The following CCSER1 variants were observed in gnomAD, a reference collection of about 807,000 sequenced individuals.
CCSER1 encodes serine-rich coiled-coil domain-containing protein 1.
A neutral mutation model predicts 82.0 loss-of-function variants in CCSER1; 41 were observed. The ratio of observed to expected loss-of-function variants is 0.50; its 90% CI spans 0.39 to 0.65. The LOEUF (loss-of-function observed/expected upper bound fraction) is 0.65. Among genes scored for constraint, CCSER1 ranks in the 30% least tolerant of loss-of-function variants. The probability of loss-of-function intolerance (pLI) is 0.00; values close to 1 mark genes in which losing one functional copy is unlikely to be tolerated. For synonymous variants in CCSER1, 414 were observed against 383.9 expected (o/e 1.08, Z -0.92); for missense variants, 1,119 against 1,064.2 (o/e 1.05, Z -0.72).
intron 3 of CCSER1, among the ~76,000 whole-genome samples, chr4:90,350,201 T>C (rs1227608649): frequency 1.3e-5 from 2 of 152,202 alleles, no homozygotes; most frequent in East Asian, 1.9e-4. Flanking sequence ...GAAGAAACTC[T>C]TATAGAGAAG....
intron 10 of CCSER1, among the ~76,000 whole-genome samples, chr4:91,510,140 G>T (rs1271083823): frequency 6.6e-6 from 1 of 152,044 alleles, no homozygotes; most frequent in Non-Finnish European, 1.5e-5. Flanking sequence ...TATTTCACTT[G>T]GGACAATGGC....
chr4:91,341,692 C>T (rs1170507263), intron 10 of CCSER1, among the ~76,000 whole-genome samples: 8 of 152,182 alleles, frequency 5.3e-5, no homozygotes, highest in Non-Finnish European at 1.2e-4. Flanking sequence ...CAGACATGCA[C>T]TACCACCCCT....
chr4:90,538,680 A>G (rs1389598004), intron 5 of CCSER1, among the ~76,000 whole-genome samples: 1 of 152,126 alleles, frequency 6.6e-6, no homozygotes, highest in Non-Finnish European at 1.5e-5. Context: ...ATGTTTATAA[A>G]ACAAAATTAA....
chr4:90,420,334 A>G (rs946764643), intron 4 of CCSER1, among the ~76,000 whole-genome samples: 4 of 151,962 alleles, frequency 2.6e-5, no homozygotes, highest in Non-Finnish European at 5.9e-5. Context: ...TGACAGAATA[A>G]TGTTCTAACT....
At chr4:90,754,511 A>AT (rs1336238632) in intron 7 of CCSER1, among the ~76,000 whole-genome samples, 1 of 152,126 alleles carries the variant, frequency 6.6e-6, no homozygotes, top group Non-Finnish European at 1.5e-5. Context: ...CCCTGTCTTC[A>AT]TCCAGTTTAC....
intron 5 of CCSER1, among the ~76,000 whole-genome samples, chr4:90,565,710 T>C (rs1316849798): frequency 6.6e-6 from 1 of 152,240 alleles, no homozygotes; most frequent in Non-Finnish European, 1.5e-5. Flanking sequence ...AGAGTTTTTA[T>C]GGTGAAAATA....
intron 5 of CCSER1, among the ~76,000 whole-genome samples, chr4:90,550,820 G>A (rs1315978934): frequency 6.6e-6 from 1 of 152,042 alleles, no homozygotes; most frequent in Non-Finnish European, 1.5e-5. Context: ...TTAGCAGTAA[G>A]TTGGGGGGAA....
At position 90,458,606 on chromosome 4, in the gene CCSER1, C is replaced by T. The variant is rs181918055; in HGVS notation, c.1604-9628C>T. Among the ~76,000 whole-genome samples the T allele has an allele frequency of 2.6e-5, 4 of 152,180 alleles. No homozygotes were observed. In the South Asian group the frequency reaches 6.2e-4, roughly 24 times the overall value. ...CTGACCTCAGGTGATCCACCCACCT[C>T]AGCTCCCCATATTGCTGGGATTAAA... On this transcript the variant is annotated intron_variant, in intron 4 of 10. Transcript: ENST00000509176.
chr4:90,391,091 C>T (rs1474048520), intron 3 of CCSER1, among the ~76,000 whole-genome samples: 1 of 145,942 alleles, frequency 6.9e-6, no homozygotes, highest in African/African-American at 2.6e-5. Context: ...TGATGAAACT[C>T]CCCTCTACTA....
Position 90,269,717 on chromosome 4 carries a change from C to G in CCSER1, c.-41-38527C>G, listed in dbSNP as rs1725902049. Among the ~76,000 whole-genome samples the G allele has an allele frequency of 3.3e-5, 5 of 150,544 alleles. No homozygotes were observed. In the South Asian group the frequency reaches 1.0e-3, roughly 32 times the overall value. ...ATAAATGAAATTGAAGAAAACAATA[C>G]AAAAGATCAATGAAACAAAAAGTTG... On this transcript the variant is annotated intron_variant, in intron 1 of 10. Coordinates refer to ENST00000509176, the MANE Select transcript of CCSER1 (RefSeq NM_001145065.2).
intron 5 of CCSER1, among the ~76,000 whole-genome samples, chr4:90,540,654 A>T (rs533023221): frequency 5.1e-4 from 77 of 152,238 alleles, no homozygotes; most frequent in Non-Finnish European, 1.0e-3. Context: ...ATTAATTTCT[A>T]GATTTAAATC....
intron 1 of CCSER1, among the ~76,000 whole-genome samples, chr4:90,182,613 T>C (rs956363950): frequency 1.3e-5 from 2 of 152,172 alleles, no homozygotes; most frequent in African/African-American, 4.8e-5. Flanking sequence ...TTAAAGCTTT[T>C]CTTATTTAGG....
At chr4:91,110,450 A>G (rs1726003111) in intron 10 of CCSER1, among the ~76,000 whole-genome samples, 1 of 152,042 alleles carries the variant, frequency 6.6e-6, no homozygotes, top group Non-Finnish European at 1.5e-5. Context: ...TTCACTTTGA[A>G]TTAATAAGAC....
At chr4:91,095,696 G>T (rs1724440989) in intron 10 of CCSER1, among the ~76,000 whole-genome samples, 1 of 152,130 alleles carries the variant, frequency 6.6e-6, no homozygotes, top group African/African-American at 2.4e-5. Flanking sequence ...ATTGGTCTGG[G>T]CTTCCCTCCT....
intron 10 of CCSER1, among the ~76,000 whole-genome samples, chr4:91,547,365 A>G (rs578204175): frequency 1.3e-5 from 2 of 152,232 alleles, no homozygotes; most frequent in African/African-American, 4.8e-5. Flanking sequence ...TTTGTTTCAC[A>G]TATTTTGATG....
At chr4:90,955,284 C>G (rs967953833) in intron 9 of CCSER1, among the ~76,000 whole-genome samples, 2 of 152,172 alleles carry the variant, frequency 1.3e-5, no homozygotes, top group Non-Finnish European at 2.9e-5. Flanking sequence ...GCCCATGTCA[C>G]TTTTCGGGAG....
intron 4 of CCSER1, among the ~76,000 whole-genome samples, chr4:90,417,027 A>C (rs1402680369): frequency 6.6e-6 from 1 of 152,164 alleles, no homozygotes; most frequent in Non-Finnish European, 1.5e-5. Context: ...GCAGGGGAAC[A>C]TCACACACCA....
chr4:91,401,904 G>A (rs1392364006), intron 10 of CCSER1, among the ~76,000 whole-genome samples: 2 of 151,966 alleles, frequency 1.3e-5, no homozygotes, highest in Non-Finnish European at 2.9e-5. Flanking sequence ...TAATCCTTTG[G>A]GTATATACCC....
intron 1 of CCSER1, among the ~76,000 whole-genome samples, chr4:90,250,945 C>T (rs1445834737): frequency 6.6e-6 from 1 of 151,860 alleles, no homozygotes; most frequent in Non-Finnish European, 1.5e-5. Context: ...CTTGTGAATG[C>T]TACTGTAAAT....
Sources: gnomAD v4.1 joint callset for allele counts (sites outside exome capture counted in the v4.1 genomes callset) on GRCh38, gnomAD v4.1.1 for gene constraint, MANE v1.5 for transcripts, NCBI Gene and HGNC (gene_info 2026-07-23, HGNC 2026-07-21) for gene names.